Variants in PTCHD1 observed in about 807,000 individuals in gnomAD.
PTCHD1 encodes the protein patched domain containing 1.
In PTCHD1, 3 loss-of-function variants were observed where a neutral mutation model predicts 34.6. The observed-to-expected ratio is 0.09, with a 90% CI of 0.04 to 0.22. The LOEUF (loss-of-function observed/expected upper bound fraction) is 0.22, where lower values mean the gene tolerates loss of function less well. Among genes scored for constraint, PTCHD1 ranks in the 10% least tolerant of loss-of-function variants. The pLI is 1.00. For synonymous variants in PTCHD1, 305 were observed against 283.1 expected, an observed-to-expected ratio of 1.08 and a Z score of -0.77; for missense variants, 504 against 685.5, an observed-to-expected ratio of 0.74 and a Z score of 2.96.
At position 23,399,720 on chromosome X, in the gene PTCHD1, T is replaced by G. The variant is rs1260273275; in HGVS notation, c.*5535T>G. On this transcript the variant is annotated 3_prime_UTR_variant, in exon 3 of 3. Transcript: ENST00000379361. ...CTGCAAATGTATTTTCAGTGCCAAT[T>G]CATGTTCTAGCAGCAGCTAAATATG... The G allele has an allele frequency of 8.9e-6, 1 of 112,369 alleles. No homozygotes were observed. 9.3% of individuals were successfully genotyped at this position (112,369 alleles called of 1,213,427 possible).
rs34856901 is a variant in PTCHD1, at chrX:23,393,992, G to A, written c.2474G>A (p.Arg825Lys). The change falls in exon 3 of 3, where the codon AGG becomes AAG. Residue 825 changes from arginine to lysine, a missense_variant. Coordinates refer to ENST00000379361, the MANE Select transcript of PTCHD1 (RefSeq NM_173495.3). ...VPSNLTCTLF[R>K]CLFLIAFVTF... ...TCAAATCTGACCTGTACACTGTTCA[G>A]GTGCTTGTTTTTAATAGCATTTGTC... The A allele has an allele frequency of 8.3e-7, 1 of 1,210,726 alleles. No homozygotes were observed. Among genetic ancestry groups the A allele is most frequent in the Non-Finnish European group, 1.1e-6 (1 of 895,132 alleles).
chrX:23,377,575 GGTGTGTGTGTGTGTGTGTGTGT>G (rs748957859), intron 1 of PTCHD1, among the ~76,000 whole-genome samples: 4 of 90,516 alleles, frequency 4.4e-5, no homozygotes, highest in Non-Finnish European at 8.7e-5. Flanking sequence ...GCCTCCTAGG[GGTGTGTGTGTGTGTGTGTGTGT>G]GTGTGTGTGT....
At chrX:23,363,797 A>G (rs1397138211) in intron 1 of PTCHD1, among the ~76,000 whole-genome samples, 1 of 112,683 alleles carries the variant, frequency 8.9e-6, no homozygotes, top group Non-Finnish European at 1.9e-5. Flanking sequence ...ATGGAAGTCA[A>G]GCTATTTTTA....
chrX:23,366,145 C>T (rs751100251), intron 1 of PTCHD1, among the ~76,000 whole-genome samples: 4 of 112,151 alleles, frequency 3.6e-5, no homozygotes, highest in Non-Finnish European at 7.5e-5. Context: ...CTTCTGTCTC[C>T]TTCAAGCTAG....
intron 1 of PTCHD1, among the ~76,000 whole-genome samples, chrX:23,351,693 T>C (rs1921637815): frequency 8.9e-6 from 1 of 112,521 alleles, no homozygotes; most frequent in Non-Finnish European, 1.9e-5. Flanking sequence ...CTTAACTGGG[T>C]GCCGCTGCTC....
At chrX:23,355,744 G>A (rs1921786219) in intron 1 of PTCHD1, among the ~76,000 whole-genome samples, 1 of 112,231 alleles carries the variant, frequency 8.9e-6, no homozygotes, top group Admixed American at 9.4e-5. Context: ...ATTGAGTCTG[G>A]TAAAGCTACT....
chrX:23,356,425 T>A (rs1232091063), intron 1 of PTCHD1, among the ~76,000 whole-genome samples: 5 of 111,879 alleles, frequency 4.5e-5, no homozygotes, highest in African/African-American at 1.6e-4. Context: ...GCTAAGCCCA[T>A]CACTTCTCAC....
At chrX:23,388,462 A>G (rs1314516855) in intron 2 of PTCHD1, among the ~76,000 whole-genome samples, 2 of 112,473 alleles carry the variant, frequency 1.8e-5, no homozygotes, top group Admixed American at 1.9e-4. Flanking sequence ...TTCAGTCCAC[A>G]TGCAATATCT....
chrX:23,342,329 TTTTA>T lies in PTCHD1; in HGVS notation c.351+7104_351+7107del, dbSNP rs1203491264. On this transcript the variant is annotated intron_variant, in intron 1 of 2. Coordinates refer to ENST00000379361, the MANE Select transcript of PTCHD1 (RefSeq NM_173495.3). Reference sequence around the variant, plus strand: ...ATATATATTTTTTTTTTTTTTTTTTTTTTAAAAGAATTGGGTACAGAGCTACAGG... The same window carrying T: ...ATATATATTTTTTTTTTTTTTTTTTTAAAGAATTGGGTACAGAGCTACAGG... 8.1e-3 allele frequency among the ~76,000 whole-genome samples: 341 copies of T among 42,251 alleles called. 5 individuals carry two copies. The highest frequency in any genetic ancestry group is 0.055 in the South Asian group (23 of 419). 36.7% of individuals were successfully genotyped at this position (42,251 alleles called of 115,157 possible).
At chrX:23,349,039 G>A (rs949538840) in intron 1 of PTCHD1, among the ~76,000 whole-genome samples, 1 of 111,883 alleles carries the variant, frequency 8.9e-6, no homozygotes, top group Admixed American at 9.5e-5. Context: ...TGAATACCCT[G>A]TTATAACTGC....
At chrX:23,340,734 C>A (rs1380291042) in intron 1 of PTCHD1, among the ~76,000 whole-genome samples, 1 of 112,344 alleles carries the variant, frequency 8.9e-6, no homozygotes, top group African/African-American at 3.2e-5. Context: ...ATGCTAGAAT[C>A]TTCTCTTAGC....
chrX:23,351,033 T>C (rs746948459), intron 1 of PTCHD1: 3 of 385,727 alleles, frequency 7.8e-6, no homozygotes, highest in Non-Finnish European at 1.3e-5. Flanking sequence ...ACTTTTCCTA[T>C]CCTGATTCAA....
At chrX:23,359,022 C>G (rs1011415938) in intron 1 of PTCHD1, among the ~76,000 whole-genome samples, 25 of 112,182 alleles carry the variant, frequency 2.2e-4, no homozygotes, top group African/African-American at 7.1e-4. Context: ...TGTTTTGGTA[C>G]CAGTACCATG....
intron 1 of PTCHD1, chrX:23,351,457 G>A: frequency 3.8e-6 from 2 of 526,631 alleles, no homozygotes; most frequent in Admixed American, 2.4e-5. Flanking sequence ...AACATAATTT[G>A]AATAAAATAG....
chrX:23,364,475 A>G (rs151086371), intron 1 of PTCHD1, among the ~76,000 whole-genome samples: 1 of 109,756 alleles, frequency 9.1e-6, no homozygotes, highest in East Asian at 2.9e-4. Flanking sequence ...AGCAGTACAG[A>G]ACATCCAACA....
At chrX:23,390,562 A>G (rs190656671) in intron 2 of PTCHD1, among the ~76,000 whole-genome samples, 42 of 111,784 alleles carry the variant, frequency 3.8e-4, no homozygotes, top group Admixed American at 3.3e-3. Flanking sequence ...TTTTTACTTC[A>G]TATCTGGGGA....
chrX:23,380,139 C>G lies in PTCHD1; in HGVS notation c.900C>G (p.Gly300=). Residue 300 remains glycine, a synonymous_variant, in exon 2 of 3, where the codon GGC becomes GGG. Coordinates refer to ENST00000379361, the MANE Select transcript of PTCHD1 (RefSeq NM_173495.3). ...GCGTCCGCAGCAAACCCTGGCTAGG[C>G]CTGCTCGGATTGGTGACCATAAGCC... ...QDCVRSKPWL[G]LLGLVTISLA... The G allele has an allele frequency of 8.3e-7, 1 of 1,211,522 alleles. No individual in the cohort carries two copies. The highest frequency in any genetic ancestry group is 1.8e-5 in the South Asian group (1 of 56,976).
chrX:23,379,830 G>T lies in PTCHD1; in HGVS notation c.591G>T (p.Val197=). 8.3e-7 allele frequency: 1 copy of T among 1,211,581 alleles called. No homozygotes were observed. Among genetic ancestry groups the T allele is most frequent in the Non-Finnish European group, 1.1e-6 (1 of 895,469 alleles). Residue 197 remains valine, a synonymous_variant, in exon 2 of 3, where the codon GTG becomes GTT. Transcript: ENST00000379361. ...GGCACCAGCTTGGGGGCGTCACTGT[G>T]CACAGCAAAGACCGGGTGAAATCTG... is the stretch of plus-strand genomic sequence containing the variant. ...YNGHQLGGVT[V]HSKDRVKSAE... is the part of the protein sequence containing the mutation.
intron 1 of PTCHD1, among the ~76,000 whole-genome samples, chrX:23,365,494 G>T (rs1162756905): frequency 9.0e-6 from 1 of 110,673 alleles, no homozygotes; most frequent in African/African-American, 3.3e-5. Context: ...ACGGAGCAGA[G>T]GGGAGAGAAA....
Sources: gnomAD v4.1 joint callset for allele counts (sites outside exome capture counted in the v4.1 genomes callset) on GRCh38, gnomAD v4.1.1 for gene constraint, MANE v1.5 for transcripts, NCBI Gene and HGNC (gene_info 2026-07-23, HGNC 2026-07-21) for gene names.